FSTL1: variants seen among roughly 807,000 people sequenced by gnomAD.
The protein encoded by FSTL1 is follistatin like 1.
FSTL1 carries 24 observed loss-of-function variants against 45.9 expected under a neutral mutation model. The observed-to-expected ratio is 0.52, with a 90% CI of 0.38 to 0.74. The LOEUF is 0.74. Ranked by LOEUF, FSTL1 falls within the 30% of genes least tolerant of loss-of-function variation. The probability of loss-of-function intolerance (pLI) is 0.00; values close to 1 mark genes in which losing one functional copy is unlikely to be tolerated. For synonymous variants in FSTL1, 120 were observed against 137.6 expected, an observed-to-expected ratio of 0.87 and a Z score of 0.89; for missense variants, 340 against 381.8, an observed-to-expected ratio of 0.89 and a Z score of 0.91.
chr3:120,449,685 C>T (rs1385597460), intron 2 of FSTL1, among the ~76,000 whole-genome samples: 1 of 152,068 alleles, frequency 6.6e-6, no homozygotes, highest in Non-Finnish European at 1.5e-5. Context: ...GCATTTATGA[C>T]TTTTTTGGGC....
chr3:120,405,119 C>T (rs1559734530), intron 6 of FSTL1, 148 bp from the exon 7 acceptor site: 3 of 616,264 alleles, frequency 4.9e-6, no homozygotes, highest in Non-Finnish European at 8.9e-6. Context: ...GCAACAAATG[C>T]TCTAATCCCT....
chr3:120,403,451 C>A, intron 7 of FSTL1, 97 bp from the exon 8 acceptor site: 2 of 706,136 alleles, frequency 2.8e-6, no homozygotes, highest in South Asian at 1.7e-5. Context: ...AGGGCCTCCA[C>A]AGGAGGCCAA....
chr3:120,439,081 C>A (rs1937601173), intron 2 of FSTL1, among the ~76,000 whole-genome samples: 1 of 152,198 alleles, frequency 6.6e-6, no homozygotes, highest in South Asian at 2.1e-4. Context: ...GCCAAGCAGA[C>A]AGTGTCTAGA....
intron 3 of FSTL1, among the ~76,000 whole-genome samples, chr3:120,413,949 G>A (rs1192758319): frequency 6.6e-6 from 1 of 152,002 alleles, no homozygotes; most frequent in Non-Finnish European, 1.5e-5. Context: ...GCGCCGCCAT[G>A]CCTGACTGGT....
rs149053839 is a variant in FSTL1, at chr3:120,403,433, A to G, written c.582-79T>C. 823 of 864,502 alleles carry G rather than the reference A, an allele frequency of 9.5e-4. 7 individuals are homozygous for G. In the East Asian group the frequency reaches 0.019, roughly 20 times the overall value. 53.6% of individuals were successfully genotyped at this position (864,502 alleles called of 1,614,324 possible). On this transcript the variant is annotated intron_variant, in intron 7 of 10. Transcript: ENST00000295633. ...GAAAGGAAGTAAGCATCAGGACCAC[A>G]TACACCCAGGGCCTCCACAGGAGGC...
intron 2 of FSTL1, among the ~76,000 whole-genome samples, chr3:120,443,236 G>A (rs902310608): frequency 6.7e-6 from 1 of 149,476 alleles, no homozygotes; most frequent in Admixed American, 6.6e-5. Flanking sequence ...CTATCCCACT[G>A]CCATGTTTCA....
chr3:120,422,822 G>A (rs1937304524), intron 2 of FSTL1, among the ~76,000 whole-genome samples: 1 of 152,002 alleles, frequency 6.6e-6, no homozygotes, highest in African/African-American at 2.4e-5. Flanking sequence ...AGCCTTCCCA[G>A]TAGCTGAGAT....
chr3:120,434,951 G>A (rs1187506119), intron 2 of FSTL1, among the ~76,000 whole-genome samples: 1 of 152,202 alleles, frequency 6.6e-6, no homozygotes, highest in Non-Finnish European at 1.5e-5. Context: ...AGGCACGGTG[G>A]CTCATGCCTA....
chr3:120,403,282 A>G lies in FSTL1; in HGVS notation c.654T>C (p.Phe218=). 6.2e-7 allele frequency: 1 copy of G among 1,611,772 alleles called. No individual in the cohort carries two copies. The highest frequency in any genetic ancestry group is 8.5e-7 in the Non-Finnish European group (1 of 1,177,854). Reference sequence around the variant, plus strand: ...TGAAAGATGGGTTGAGGCACTTGAGAAACTCTTGGAAGCTGAGTTTCCAAT... The same window carrying G: ...TGAAAGATGGGTTGAGGCACTTGAGGAACTCTTGGAAGCTGAGTTTCCAAT... The part of the protein sequence containing the change: ...NADWKLSFQE[F]LKCLNPSFNP... Residue 218 remains phenylalanine, a synonymous_variant, in exon 8 of 11, where the codon TTT becomes TTC. Coordinates refer to ENST00000295633, the MANE Select transcript of FSTL1 (RefSeq NM_007085.5).
chr3:120,444,144 T>C (rs1204655425), intron 2 of FSTL1, among the ~76,000 whole-genome samples: 2 of 150,020 alleles, frequency 1.3e-5, no homozygotes, highest in Admixed American at 6.6e-5. Flanking sequence ...GCTATTTTCC[T>C]GACATTTCAT....
chr3:120,392,808 C>T lies in FSTL1; in HGVS notation c.*4144G>A, dbSNP rs1936618500. 1 of 152,122 alleles carries T rather than the reference C, an allele frequency of 6.6e-6. No homozygotes were observed. The highest frequency in any genetic ancestry group is 1.5e-5 in the Non-Finnish European group (1 of 68,026). The allele number at this position is 152,122 out of a possible 1,614,324, so 9.4% of individuals were successfully genotyped here. ...ATCTGCTTAGATCTATCTATGCATT[C>T]ATATTTTTTCCCTTCCTTCCTTCCC... On this transcript the variant is annotated 3_prime_UTR_variant, in exon 11 of 11. Transcript: ENST00000295633.
intron 6 of FSTL1, among the ~76,000 whole-genome samples, chr3:120,408,480 A>G (rs1936989383): frequency 6.6e-6 from 1 of 152,250 alleles, no homozygotes. Context: ...ATAGTGTCAG[A>G]AAGAGAAATC....
At chr3:120,411,580 G>T (rs775981613) in intron 4 of FSTL1, among the ~76,000 whole-genome samples, 3 of 152,208 alleles carry the variant, frequency 2.0e-5, no homozygotes, top group Admixed American at 6.5e-5. Flanking sequence ...TACTGATGGG[G>T]TCCACCCTAT....
chr3:120,441,434 A>T (rs1413291492), intron 2 of FSTL1: 2 of 152,254 alleles, frequency 1.3e-5, no homozygotes, highest in African/African-American at 4.8e-5. Context: ...GTGGCTTCAC[A>T]GAAGAAACAC....
At chr3:120,450,295 A>C (rs1937855993) in intron 2 of FSTL1, among the ~76,000 whole-genome samples, 1 of 152,120 alleles carries the variant, frequency 6.6e-6, no homozygotes, top group African/African-American at 2.4e-5. Flanking sequence ...CCCCGCCCCC[A>C]GGAGACAGAC....
intron 2 of FSTL1, among the ~76,000 whole-genome samples, chr3:120,448,257 T>A (rs1484754982): frequency 2.6e-5 from 4 of 152,220 alleles, no homozygotes; most frequent in Non-Finnish European, 5.9e-5. Context: ...GATTTGAAGT[T>A]TACTAAAATA....
Position 120,439,894 on chromosome 3 carries a change from G to A in FSTL1, c.63+10790C>T, listed in dbSNP as rs1382643157. 2.6e-5 allele frequency among the ~76,000 whole-genome samples: 4 copies of A among 152,124 alleles called. No individual in the cohort carries two copies. The East Asian group carries it at 7.7e-4, about 29-fold the overall frequency. On this transcript the variant is annotated intron_variant, in intron 2 of 10. Transcript: ENST00000295633. Reference sequence around the variant, plus strand: ...TTTGGGAGGCTGAGGAGGGAGGATCGCCTAAGCCCAGGAGTTAGAGACCAG... The same window carrying A: ...TTTGGGAGGCTGAGGAGGGAGGATCACCTAAGCCCAGGAGTTAGAGACCAG...
At chr3:120,415,756 G>T in intron 3 of FSTL1, 167 bp downstream of exon 3, 2 of 504,628 alleles carry the variant, frequency 4.0e-6, no homozygotes, top group Non-Finnish European at 3.5e-6. Context: ...AAATATCCAT[G>T]CTTTAAAAAT....
intron 5 of FSTL1, chr3:120,409,970 G>A: frequency 5.0e-6 from 1 of 199,234 alleles, no homozygotes; most frequent in Non-Finnish European, 1.0e-5. Flanking sequence ...AAGCTGAAGG[G>A]GAAAAAATCA....
Sources: gnomAD v4.1 joint callset for allele counts (sites outside exome capture counted in the v4.1 genomes callset) on GRCh38, gnomAD v4.1.1 for gene constraint, MANE v1.5 for transcripts, NCBI Gene and HGNC (gene_info 2026-07-23, HGNC 2026-07-21) for gene names.